VPS13B: variants seen among roughly 807,000 people sequenced by gnomAD.
VPS13B encodes the protein intermembrane lipid transfer protein VPS13B.
In VPS13B, 285 loss-of-function variants were observed where a neutral mutation model predicts 426.4. That is an observed-to-expected ratio of 0.67 (90% confidence interval 0.61 to 0.74). The LOEUF (loss-of-function observed/expected upper bound fraction) is 0.74. Among genes scored for constraint, VPS13B ranks in the 30% least tolerant of loss-of-function variants. The pLI, the probability that VPS13B is intolerant of heterozygous loss-of-function variation, is 0.00. For synonymous variants in VPS13B, 1,676 were observed against 1,676.4 expected (o/e 1.00, Z 0.01); for missense variants, 4,537 against 4,782.6 (o/e 0.95, Z 1.51).
At chr8:99,570,146 G>A (rs1054859467) in intron 31 of VPS13B, among the ~76,000 whole-genome samples, 1 of 152,144 alleles carries the variant, frequency 6.6e-6, no homozygotes, top group African/African-American at 2.4e-5. Flanking sequence ...GTGATGAGCA[G>A]TTTCACCAAG....
chr8:99,559,129 T>G (rs372883118), intron 31 of VPS13B, among the ~76,000 whole-genome samples: 7 of 152,174 alleles, frequency 4.6e-5, no homozygotes, highest in Non-Finnish European at 7.4e-5. Flanking sequence ...GTATCTTATT[T>G]TGGTTTTGAT....
chr8:99,310,464 G>T (rs1820893197), intron 19 of VPS13B, among the ~76,000 whole-genome samples: 1 of 152,044 alleles, frequency 6.6e-6, no homozygotes, highest in Admixed American at 6.5e-5. Context: ...TTTGTCTTTG[G>T]TTCTGTTTAT....
chr8:99,671,427 T>A (rs535338577), intron 35 of VPS13B, among the ~76,000 whole-genome samples: 1 of 152,320 alleles, frequency 6.6e-6, no homozygotes, highest in African/African-American at 2.4e-5. Flanking sequence ...TTCTGTAGGT[T>A]ATCTCTTCAT....
intron 31 of VPS13B, among the ~76,000 whole-genome samples, chr8:99,567,080 A>G (rs1462008579): frequency 1.3e-5 from 2 of 152,188 alleles, no homozygotes; most frequent in Non-Finnish European, 2.9e-5. Context: ...AGCTTTAAAA[A>G]TGAAATTTAA....
chr8:99,748,683 C>T (rs1563897831), intron 39 of VPS13B, among the ~76,000 whole-genome samples: 1 of 151,662 alleles, frequency 6.6e-6, no homozygotes, highest in African/African-American at 2.4e-5. Flanking sequence ...TGCTTGACTC[C>T]TTTTTTTTGC....
chr8:99,086,411 C>T (rs1348874744), intron 3 of VPS13B, among the ~76,000 whole-genome samples: 1 of 152,114 alleles, frequency 6.6e-6, no homozygotes, highest in African/African-American at 2.4e-5. Flanking sequence ...CGAACTTCCT[C>T]CTTTAGCTCA....
chr8:99,209,206 G>T (rs1814915463), intron 17 of VPS13B, among the ~76,000 whole-genome samples: 1 of 151,434 alleles, frequency 6.6e-6, no homozygotes, highest in Non-Finnish European at 1.5e-5. Flanking sequence ...TTTAACACGG[G>T]AGGCAGAGGT....
chr8:99,304,652 A>G (rs1467301881), intron 19 of VPS13B, among the ~76,000 whole-genome samples: 3 of 152,102 alleles, frequency 2.0e-5, no homozygotes, highest in Non-Finnish European at 4.4e-5. Flanking sequence ...TAATTTTGCC[A>G]TTTTACTCCA....
At chr8:99,712,333 G>T (rs1264035417) in intron 36 of VPS13B, among the ~76,000 whole-genome samples, 1 of 152,204 alleles carries the variant, frequency 6.6e-6, no homozygotes, top group African/African-American at 2.4e-5. Context: ...CAGGGAGCAA[G>T]AGGAAGGGTC....
At chr8:99,216,247 C>T (rs1815384453) in intron 17 of VPS13B, among the ~76,000 whole-genome samples, 1 of 152,118 alleles carries the variant, frequency 6.6e-6, no homozygotes, top group South Asian at 2.1e-4. Context: ...ATACAACAAA[C>T]TTTCTTCTGC....
chr8:99,864,628 A>C (rs1405354472), intron 58 of VPS13B, among the ~76,000 whole-genome samples: 3 of 152,248 alleles, frequency 2.0e-5, no homozygotes, highest in African/African-American at 7.2e-5. Context: ...CAGTTTCTTC[A>C]ATAAAAAGAC....
At chr8:99,270,487 T>G (rs907511814) in intron 17 of VPS13B, among the ~76,000 whole-genome samples, 1 of 152,158 alleles carries the variant, frequency 6.6e-6, no homozygotes, top group Non-Finnish European at 1.5e-5. Context: ...AAGAGTCTTA[T>G]ATATAACATG....
At chr8:99,099,746 T>C (rs989306181) in intron 4 of VPS13B, among the ~76,000 whole-genome samples, 2 of 152,130 alleles carry the variant, frequency 1.3e-5, no homozygotes, top group Non-Finnish European at 2.9e-5. Flanking sequence ...CAAAAAGTAT[T>C]GTAAAAAGGA....
At chr8:99,529,798 A>G (rs1402588269) in intron 30 of VPS13B, among the ~76,000 whole-genome samples, 1 of 152,188 alleles carries the variant, frequency 6.6e-6, no homozygotes, top group African/African-American at 2.4e-5. Context: ...TTGTTTATCA[A>G]TTCTCTGCTC....
At position 99,751,262 on chromosome 8, in the gene VPS13B, A is replaced by G. The variant is rs1443183918; in HGVS notation, c.7051-15512A>G. Among the ~76,000 whole-genome samples, 3 of 152,022 alleles carry G rather than the reference A, an allele frequency of 2.0e-5. No homozygotes were observed. The East Asian group carries it at 5.8e-4, about 29-fold the overall frequency. On this transcript the variant is annotated intron_variant, in intron 39 of 61. Transcript: ENST00000357162. ...TTATTTTGATCAGCACCTCCATCAG[A>G]GTCAAAATCATGAGTGTCTTGCCTA...
intron 17 of VPS13B, among the ~76,000 whole-genome samples, chr8:99,222,782 A>G (rs1815798659): frequency 6.6e-6 from 1 of 152,226 alleles, no homozygotes; most frequent in Admixed American, 6.5e-5. Flanking sequence ...GATGGCCATT[A>G]CATATTATAA....
At chr8:99,710,751 G>A (rs1832677872) in intron 36 of VPS13B, among the ~76,000 whole-genome samples, 1 of 151,764 alleles carries the variant, frequency 6.6e-6, no homozygotes. Context: ...CAGCACTTTG[G>A]GAGGCCAAGG....
At chr8:99,394,845 T>C (rs1461532447) in intron 21 of VPS13B, among the ~76,000 whole-genome samples, 1 of 152,230 alleles carries the variant, frequency 6.6e-6, no homozygotes, top group Non-Finnish European at 1.5e-5. Context: ...ACCTTGACTA[T>C]TGCTAAGATA....
Position 99,875,849 on chromosome 8 carries a change from A to G in VPS13B, c.*183A>G. The G allele has an allele frequency of 2.7e-6, 2 of 734,642 alleles. No individual in the cohort carries two copies. Among genetic ancestry groups the G allele is most frequent in the Non-Finnish European group, 4.4e-6 (2 of 455,688 alleles). 45.5% of individuals were successfully genotyped at this position (734,642 alleles called of 1,614,324 possible). On this transcript the variant is annotated 3_prime_UTR_variant, in exon 62 of 62. Coordinates refer to ENST00000357162, the MANE Select transcript of VPS13B (RefSeq NM_152564.5). ...CCATAAAGGGCTGCATTTTGCCACC[A>G]TAAAGGGCTGCATTTTTTTAAAAAG...
Sources: gnomAD v4.1 joint callset for allele counts (sites outside exome capture counted in the v4.1 genomes callset) on GRCh38, gnomAD v4.1.1 for gene constraint, MANE v1.5 for transcripts, NCBI Gene and HGNC (gene_info 2026-07-23, HGNC 2026-07-21) for gene names.